Variants in C6orf132 observed in about 807,000 individuals in gnomAD.
The protein encoded by C6orf132 is chromosome 6 open reading frame 132.
Under a neutral mutation model 65.3 loss-of-function variants are expected in C6orf132, and 43 were observed. The ratio of observed to expected loss-of-function variants is 0.66; its 90% CI spans 0.52 to 0.85. The LOEUF is 0.85. Ranked by LOEUF, C6orf132 falls within the 40% of genes least tolerant of loss-of-function variation. The pLI, the probability that C6orf132 is intolerant of heterozygous loss-of-function variation, is 0.00. For missense variants in C6orf132, 1,488 were observed against 1,548.8 expected, an observed-to-expected ratio of 0.96 and a Z score of 0.66; for synonymous variants, 631 against 654.1, an observed-to-expected ratio of 0.96 and a Z score of 0.54.
intron 2 of C6orf132, among the ~76,000 whole-genome samples, chr6:42,125,119 G>A (rs1242829841): frequency 6.6e-6 from 1 of 152,174 alleles, no homozygotes; most frequent in African/African-American, 2.4e-5. Context: ...GCTGGACAGG[G>A]ATTCAGAGAG....
At chr6:42,114,402 G>A (rs528504477) in intron 2 of C6orf132, among the ~76,000 whole-genome samples, 230 of 149,960 alleles carry the variant, frequency 1.5e-3, no homozygotes, top group African/African-American at 4.7e-3. Context: ...GCCCCTGTCT[G>A]GCCCTTTTCT....
Position 42,107,093 on chromosome 6 carries a change from TC to T in C6orf132, c.818del (p.Arg273LysfsTer244). The T allele has an allele frequency of 1.4e-6, 2 of 1,461,554 alleles. No individual in the cohort carries two copies. The highest frequency in any genetic ancestry group is 1.8e-6 in the Non-Finnish European group (2 of 1,110,370). 90.5% of individuals were successfully genotyped at this position (1,461,554 alleles called of 1,614,324 possible). A position where few individuals can be genotyped will look rare whatever the true frequency, so the allele number is the denominator to read the frequency against. ...ALNGRQAEAT[R>X]ASPPRSPAEP... Reference sequence around the variant, plus strand: ...CAGCAGGGCTTCTCGGGGGGCTGGCTCTGGTGGCCTCTGCCTGCCTGCCATT... The same window carrying T: ...CAGCAGGGCTTCTCGGGGGGCTGGCTTGGTGGCCTCTGCCTGCCTGCCATT... On this transcript the variant is annotated frameshift_variant, in exon 4 of 5. Coordinates refer to ENST00000341865, the MANE Select transcript of C6orf132 (RefSeq NM_001164446.3). LOFTEE classifies it high-confidence loss of function.
At chr6:42,137,131 G>C (rs17623997) in intron 1 of C6orf132, among the ~76,000 whole-genome samples, 9,795 of 152,250 alleles carry the variant, frequency 0.064, 389 homozygotes, top group South Asian at 0.11. Flanking sequence ...TCTGAGCCTT[G>C]CTTCTGAGTC....
At chr6:42,119,967 G>A (rs901915878) in intron 2 of C6orf132, among the ~76,000 whole-genome samples, 93 of 151,852 alleles carry the variant, frequency 6.1e-4, no homozygotes, top group African/African-American at 2.2e-3. Context: ...GGTGGCACAT[G>A]CCTGTAATCC....
In C6orf132 at chr6:42,126,122, T is replaced by TA. The variant is rs1157098966; in HGVS notation, c.252+2549_252+2550insT. 5.6e-4 allele frequency among the ~76,000 whole-genome samples: 85 copies of TA among 152,122 alleles called. 1 individual carries two copies. Among genetic ancestry groups the TA allele is most frequent in the Non-Finnish European group, 2.9e-5 (2 of 67,966 alleles). ...TTTGAGATGGAGTCTCGCTCTGTCG[T>TA]CCAGGCTGGAGTGCAGTGGTGCAAT... On this transcript the variant is annotated intron_variant, in intron 2 of 4. Coordinates refer to ENST00000341865, the MANE Select transcript of C6orf132 (RefSeq NM_001164446.3).
rs1040803814 is a variant in C6orf132 at position 42,101,733 on chromosome 6, G to C, written c.*2028C>G. On this transcript the variant is annotated 3_prime_UTR_variant, in exon 5 of 5. Transcript: ENST00000341865. ...TACATACATAGAGAGCTAGTGCTGG[G>C]GCTGGGGTGGGATTTGCTTCTTGAA... The C allele has an allele frequency of 3.3e-5, 5 of 152,144 alleles. No homozygotes were observed. The highest frequency in any genetic ancestry group is 1.2e-4 in the African/African-American group (5 of 41,426). 9.4% of individuals were successfully genotyped at this position (152,144 alleles called of 1,614,324 possible).
intron 2 of C6orf132, among the ~76,000 whole-genome samples, chr6:42,118,478 G>C (rs1025155712): frequency 6.6e-5 from 10 of 152,122 alleles, no homozygotes; most frequent in Admixed American, 3.3e-4. Flanking sequence ...TGCCAGCAGG[G>C]GTTGCCATGT....
intron 1 of C6orf132, among the ~76,000 whole-genome samples, chr6:42,136,286 T>C (rs1276672508): frequency 6.6e-6 from 1 of 151,914 alleles, no homozygotes; most frequent in African/African-American, 2.4e-5. Context: ...TTTCCCCACC[T>C]GTAAAATGAG....
chr6:42,128,190 G>T (rs538003376), intron 2 of C6orf132, among the ~76,000 whole-genome samples: 3 of 152,004 alleles, frequency 2.0e-5, no homozygotes, highest in Admixed American at 6.6e-5. Flanking sequence ...CTCCCAAAAT[G>T]CTGGGATTAC....
At position 42,104,837 on chromosome 6, in the gene C6orf132, G is replaced by T; in HGVS notation, c.3075C>A (p.Asn1025Lys). 6.9e-7 allele frequency: 1 copy of T among 1,458,024 alleles called. No homozygotes were observed. The highest frequency in any genetic ancestry group is 9.0e-7 in the Non-Finnish European group (1 of 1,111,964). The allele number at this position is 1,458,024 out of a possible 1,614,324, so 90.3% of individuals were successfully genotyped here. Residue 1025 changes from asparagine to lysine, a missense_variant, in exon 4 of 5, where the codon AAC becomes AAA. Physicochemically the swap from Asn to Lys is moderately conservative, Grantham distance 94 (BLOSUM62 0). Transcript: ENST00000341865. The surrounding 1 kb of genome is among the most constrained non-coding windows in gnomAD (Gnocchi z 4.1). The stretch of plus-strand genomic sequence containing the variant: ...GAGCCGGGGGCGCCCCGGGGCCAGC[G>T]TTCGGGAGCTGCCTCAAGTCTGAGT... Reference protein sequence around the residue: ...NNYSDLRQLPNAGPGAPPALG... With the variant: ...NNYSDLRQLPKAGPGAPPALG...
intron 2 of C6orf132, among the ~76,000 whole-genome samples, chr6:42,112,794 A>G (rs757083861): frequency 1.3e-5 from 2 of 152,194 alleles, no homozygotes; most frequent in Non-Finnish European, 2.9e-5. Context: ...TGATGGGCTG[A>G]TGGTACTAAC....
At chr6:42,129,611 A>G (rs1367543318) in intron 1 of C6orf132, among the ~76,000 whole-genome samples, 1 of 152,146 alleles carries the variant, frequency 6.6e-6, no homozygotes, top group Non-Finnish European at 1.5e-5. Flanking sequence ...ATGCTGCTCT[A>G]TGGCAGTGGG....
chr6:42,111,516 T>G (rs1189195355), intron 2 of C6orf132, among the ~76,000 whole-genome samples: 2 of 152,112 alleles, frequency 1.3e-5, no homozygotes, highest in Non-Finnish European at 2.9e-5. Context: ...ACTCCTGACC[T>G]CGTGATCTGC....
rs1164451390 is a variant in C6orf132, at chr6:42,106,672, C to G, written c.1240G>C (p.Ala414Pro). ...TTCTGAGCACAGGGCAAAGGAGGTG[C>G]AGCTGGGGGAAGTGGGGGTGCTGGG... is the stretch of plus-strand genomic sequence containing the variant. ...PPPAPPLPPA[A>P]PPLPCAQKAA... is the part of the protein sequence containing the mutation. Residue 414 changes from alanine (A) to proline (P), a missense_variant, in exon 4 of 5, where the codon GCA becomes CCA. Coordinates refer to ENST00000341865, the MANE Select transcript of C6orf132 (RefSeq NM_001164446.3). 1 of 1,172,482 alleles carries G rather than the reference C, an allele frequency of 8.5e-7. No homozygotes were observed. The highest frequency in any genetic ancestry group is 1.1e-6 in the Non-Finnish European group (1 of 941,498). 72.6% of individuals were successfully genotyped at this position (1,172,482 alleles called of 1,614,324 possible).
In C6orf132 at chr6:42,128,673, A is replaced by G. The variant is rs1227298172; in HGVS notation, c.251T>C (p.Leu84Pro). The G allele has an allele frequency of 2.6e-6, 4 of 1,550,632 alleles. No individual in the cohort carries two copies. Among genetic ancestry groups the G allele is most frequent in the Non-Finnish European group, 3.5e-6 (4 of 1,146,468 alleles). ...RVRPLLTFLP[L>P]NAQENHGLAV... ...ACCTCAGAGCAGAACCGTACTCACC[A>G]GCGGAAGGAAGGTCAGCAGGGGCCG... is the stretch of plus-strand genomic sequence containing the variant. Residue 84 changes from leucine (L) to proline (P), a missense_variant and splice_region_variant, in exon 2 of 5, where the codon CTG becomes CCG. By Grantham distance (98) the Leu-to-Pro change is moderately conservative (BLOSUM62 -3). Coordinates refer to ENST00000341865, the MANE Select transcript of C6orf132 (RefSeq NM_001164446.3).
chr6:42,124,504 C>T lies in C6orf132; in HGVS notation c.252+4168G>A, dbSNP rs1395204487. ...CTGTCACCTGACTTCTTGGGCACTG[C>T]TACCTCGTACCTCCCCTACCCACTG... On this transcript the variant is annotated intron_variant, in intron 2 of 4. Transcript: ENST00000341865. The surrounding 1 kb of genome is among the most constrained non-coding windows in gnomAD (Gnocchi z 4.0). Among the ~76,000 whole-genome samples, 1 of 152,204 alleles carries T rather than the reference C, an allele frequency of 6.6e-6. No individual in the cohort carries two copies. Among genetic ancestry groups the T allele is most frequent in the Non-Finnish European group, 1.5e-5 (1 of 68,024 alleles).
Position 42,105,994 on chromosome 6 carries a change from C to G in C6orf132, c.1918G>C (p.Ala640Pro). Residue 640 changes from alanine (A) to proline (P), a missense_variant, in exon 4 of 5, where the codon GCC becomes CCC. By Grantham distance (27) the Ala-to-Pro change is conservative. Coordinates refer to ENST00000341865, the MANE Select transcript of C6orf132 (RefSeq NM_001164446.3). ...TCAGGTGTGGCCTTGGGTGGTATGG[C>G]TGGTCCCAACATAGCCTTGGGCTGG... ...SLQPKAMLGP[A>P]IPPKATPEPA... is the part of the protein sequence containing the mutation. 3 of 1,537,126 alleles carry G rather than the reference C, an allele frequency of 2.0e-6. No homozygotes were observed. The South Asian group carries it at 3.6e-5, about 18-fold the overall frequency.
In C6orf132 at chr6:42,106,126, C is replaced by G; in HGVS notation, c.1786G>C (p.Glu596Gln). ...CCGTTTTCACAAATTCTTCCCCCTT[C>G]TAGCCGAGGCTTAGGGGGCAGAGAT... ...IGSLPPKPRL[E>Q]GGRICENGAD... The change falls in exon 4 of 5, where the codon GAA (glutamate) becomes CAA (glutamine). Residue 596 changes from glutamate to glutamine, a missense_variant. Transcript: ENST00000341865. The G allele has an allele frequency of 6.5e-7, 1 of 1,537,248 alleles. No homozygotes were observed. Among genetic ancestry groups the G allele is most frequent in the Non-Finnish European group, 8.7e-7 (1 of 1,146,902 alleles).
At position 42,124,457 on chromosome 6, in the gene C6orf132, AG is replaced by A. The variant is rs1766735182; in HGVS notation, c.252+4214del. ...CAGAAGATGGCCCAGGCCTGGAGAGAGCTCACAGGCCCTCGAGGGGCCTGTC... is the reference window on the plus strand; with the variant it reads ...CAGAAGATGGCCCAGGCCTGGAGAGACTCACAGGCCCTCGAGGGGCCTGTC... On this transcript the variant is annotated intron_variant, in intron 2 of 4. Coordinates refer to ENST00000341865, the MANE Select transcript of C6orf132 (RefSeq NM_001164446.3). The surrounding 1 kb of genome is among the most constrained non-coding windows in gnomAD (Gnocchi z 4.0). Among the ~76,000 whole-genome samples, 1 of 152,026 alleles carries A rather than the reference AG, an allele frequency of 6.6e-6. No individual in the cohort carries two copies. Among genetic ancestry groups the A allele is most frequent in the Non-Finnish European group, 1.5e-5 (1 of 67,988 alleles).
Sources: allele counts gnomAD v4.1 joint callset (sites outside exome capture counted in the v4.1 genomes callset), GRCh38; gene constraint gnomAD v4.1.1; non-coding constraint Gnocchi (gnomAD v3.1); transcripts MANE v1.5; gene names NCBI Gene and HGNC (gene_info 2026-07-23, HGNC 2026-07-21).